KALRN: variants seen among roughly 807,000 people sequenced by gnomAD.
The protein encoded by KALRN is kalirin RhoGEF kinase, also known as kalirin.
In KALRN, 70 loss-of-function variants were observed where a neutral mutation model predicts 353.7. That is an observed-to-expected ratio of 0.20 (90% CI 0.16 to 0.24). The LOEUF (loss-of-function observed/expected upper bound fraction) is 0.24. KALRN is among the 10% of genes least tolerant of loss of function. KALRN has a pLI of 1.00. For missense variants in KALRN, 2,791 were observed against 3,756.7 expected (o/e 0.74, Z 6.72); for synonymous variants, 1,391 against 1,434.8 (o/e 0.97, Z 0.69).
At chr3:124,425,637 C>T (rs1268613442) in intron 15 of KALRN, among the ~76,000 whole-genome samples, 2 of 152,168 alleles carry the variant, frequency 1.3e-5, no homozygotes, top group African/African-American at 2.4e-5. Flanking sequence ...ACGGGAAAAT[C>T]ATTCCTATTT....
rs746348119 is a variant in KALRN at position 124,674,469 on chromosome 3, G to A, written c.7048G>A (p.Val2350Ile). 5.0e-6 allele frequency: 8 copies of A among 1,614,018 alleles called. No individual in the cohort carries two copies. In the East Asian group the frequency reaches 1.8e-4, roughly 36 times the overall value. ...TGTGAGCCAAGGTGAGGTGGTCCAG[G>A]TCCTCGCCGTCAACCAGCAGAACAT... The part of the protein sequence containing the change: ...ICVSQGEVVQ[V>I]LAVNQQNMCL... Residue 2350 changes from valine (V) to isoleucine (I), a missense_variant, in exon 49 of 60, where the codon GTC (valine) becomes ATC (isoleucine). Physicochemically the swap from Val to Ile is conservative, Grantham distance 29 (BLOSUM62 3). This residue lies in a region of KALRN where 1,065 missense variants were observed against 1,156.4 expected (regional missense o/e 0.92). Coordinates refer to ENST00000682506, the MANE Select transcript of KALRN (RefSeq NM_001388419.1).
At chr3:124,615,374 C>G (rs920677617) in intron 34 of KALRN, among the ~76,000 whole-genome samples, 2 of 152,112 alleles carry the variant, frequency 1.3e-5, no homozygotes, top group African/African-American at 4.8e-5. Flanking sequence ...ATTGGAATAA[C>G]TGTCAATATT....
chr3:124,694,398 A>T lies in KALRN; in HGVS notation c.7472A>T (p.Gln2491Leu). The T allele has an allele frequency of 6.2e-7, 1 of 1,614,248 alleles. No homozygotes were observed. Among genetic ancestry groups the T allele is most frequent in the Non-Finnish European group, 8.5e-7 (1 of 1,180,024 alleles). Residue 2491 changes from glutamine (Q) to leucine (L), a missense_variant, in exon 53 of 60, where the codon CAG becomes CTG. By Grantham distance (113) the Gln-to-Leu change is moderately radical. Coordinates refer to ENST00000682506, the MANE Select transcript of KALRN (RefSeq NM_001388419.1). ...TCLLGDTVIL[Q>L]CKVCGRPKPT... ...TTGCTTGGGGACACAGTGATACTGCAGTGCAAAGTCTGTGGGCGGCCAAAG... is the reference window on the plus strand; with the variant it reads ...TTGCTTGGGGACACAGTGATACTGCTGTGCAAAGTCTGTGGGCGGCCAAAG...
In KALRN at chr3:124,699,935, G is replaced by A. The variant is rs374215079; in HGVS notation, c.7898G>A (p.Ser2633Asn). 6 of 1,614,082 alleles carry A rather than the reference G, an allele frequency of 3.7e-6. No homozygotes were observed. The highest frequency in any genetic ancestry group is 1.7e-5 in the Admixed American group (1 of 60,008). The change falls in exon 56 of 60, where the codon AGT (serine) becomes AAT (asparagine). Residue 2633 changes from serine (S) to asparagine (N), a missense_variant. Physicochemically the swap from Ser to Asn is conservative, Grantham distance 46 (BLOSUM62 1). Around this residue, in one of 11 missense-constraint regions of KALRN, gnomAD observed 1,065 missense variants for 1,156.4 expected, o/e 0.92. Coordinates refer to ENST00000682506, the MANE Select transcript of KALRN (RefSeq NM_001388419.1). ...ACTTACCTCGTCATCGAAGACCTTA[G>A]TCCCGGGTGTCCTTATCAGTTCAGA... ...LDTYLVIEDL[S>N]PGCPYQFRVS...
At chr3:124,109,152 ATGT>A (rs1167594222) in intron 1 of KALRN, among the ~76,000 whole-genome samples, 8 of 152,064 alleles carry the variant, frequency 5.3e-5, no homozygotes, top group Non-Finnish European at 7.4e-5. Flanking sequence ...AATCTATAAA[ATGT>A]TGTAGTTCGT....
Position 124,719,571 on chromosome 3 carries a change from AGT to A in KALRN, c.*102_*103del. The A allele has an allele frequency of 8.6e-7, 1 of 1,159,734 alleles. No homozygotes were observed. The highest frequency in any genetic ancestry group is 1.2e-6 in the Non-Finnish European group (1 of 824,736). The allele number at this position is 1,159,734 out of a possible 1,614,324, so 71.8% of individuals were successfully genotyped here. On this transcript the variant is annotated 3_prime_UTR_variant, in exon 60 of 60. Coordinates refer to ENST00000682506, the MANE Select transcript of KALRN (RefSeq NM_001388419.1). The surrounding 1 kb of genome is among the most constrained non-coding windows in gnomAD (Gnocchi z 5.3). Reference sequence around the variant, plus strand: ...TTCTGTTCATCATTTCACTCCGTGCAGTTCTCTGAATTGAGAGATGTACCTCT... The same window carrying A: ...TTCTGTTCATCATTTCACTCCGTGCATCTCTGAATTGAGAGATGTACCTCT...
intron 17 of KALRN, among the ~76,000 whole-genome samples, chr3:124,435,748 A>C (rs1435864093): frequency 6.6e-6 from 1 of 152,242 alleles, no homozygotes; most frequent in East Asian, 1.9e-4. Flanking sequence ...CTGCAGACTA[A>C]GATGATAGAG....
At chr3:124,118,649 A>G (rs1341178821) in intron 1 of KALRN, among the ~76,000 whole-genome samples, 1 of 152,218 alleles carries the variant, frequency 6.6e-6, no homozygotes, top group Non-Finnish European at 1.5e-5. Context: ...TGTAAATGCC[A>G]GGCAGTGAGG....
At chr3:124,477,604 G>A (rs2061551761) in intron 27 of KALRN, among the ~76,000 whole-genome samples, 1 of 152,162 alleles carries the variant, frequency 6.6e-6, no homozygotes, top group Non-Finnish European at 1.5e-5. Flanking sequence ...CATGTTTAGA[G>A]GAGGGCCACT....
rs761896148 is a variant in KALRN at position 124,671,640 on chromosome 3, C to T, written c.6704-20C>T. The T allele has an allele frequency of 1.3e-6, 2 of 1,568,278 alleles. No individual in the cohort carries two copies. Among genetic ancestry groups the T allele is most frequent in the South Asian group, 1.1e-5 (1 of 89,956 alleles). On this transcript the variant is annotated intron_variant, in intron 47 of 59. Coordinates refer to ENST00000682506, the MANE Select transcript of KALRN (RefSeq NM_001388419.1). Reference sequence around the variant, plus strand: ...TGGGATTCCCAAAGCTTAGAGTAACCACCTGCTCTTATCCCACAGCACTGC... The same window carrying T: ...TGGGATTCCCAAAGCTTAGAGTAACTACCTGCTCTTATCCCACAGCACTGC...
chr3:124,494,200 G>A (rs1245752774), intron 32 of KALRN, among the ~76,000 whole-genome samples: 1 of 152,144 alleles, frequency 6.6e-6, no homozygotes, highest in African/African-American at 2.4e-5. Flanking sequence ...CTTTTCTCTT[G>A]TCCTACAATG....
At chr3:124,661,434 G>A (rs1020068993) in intron 44 of KALRN, among the ~76,000 whole-genome samples, 1 of 152,222 alleles carries the variant, frequency 6.6e-6, no homozygotes, top group East Asian at 1.9e-4. Context: ...ATTATTTTAA[G>A]CCAGGGAGGT....
At chr3:124,669,455 A>G (rs901783007) in intron 47 of KALRN, among the ~76,000 whole-genome samples, 2 of 152,260 alleles carry the variant, frequency 1.3e-5, no homozygotes, top group African/African-American at 4.8e-5. Flanking sequence ...AGCTTATTTA[A>G]GAAGGCATTC....
chr3:124,146,874 C>CAAAAAAA (rs34633708), intron 1 of KALRN, among the ~76,000 whole-genome samples: 950 of 49,918 alleles, frequency 0.019, 166 homozygotes, highest in African/African-American at 0.056. Context: ...GACTCTGTCT[C>CAAAAAAA]AAAAAAAAAA....
intron 2 of KALRN, 48 bp downstream of exon 2, chr3:124,228,112 G>A (rs1348187871): frequency 7.0e-7 from 1 of 1,429,586 alleles, no homozygotes; most frequent in Non-Finnish European, 9.9e-7. Context: ...GAGAAGTTGT[G>A]TGTGTGCACA....
rs181877938 is a variant in KALRN, at chr3:124,421,446, T to G, written c.2543-1366T>G. On this transcript the variant is annotated intron_variant, in intron 14 of 59. Coordinates refer to ENST00000682506, the MANE Select transcript of KALRN (RefSeq NM_001388419.1). The stretch of plus-strand genomic sequence containing the variant: ...TGTATCATGTACATACAGTAATATG[T>G]GTATATGAGAGATATTTTACATGCA... 5.3e-5 allele frequency among the ~76,000 whole-genome samples: 8 copies of G among 152,340 alleles called. No individual in the cohort carries two copies. In the East Asian group the frequency reaches 1.5e-3, roughly 29 times the overall value.
chr3:124,548,651 C>A (rs189639237), intron 33 of KALRN, among the ~76,000 whole-genome samples: 7 of 152,218 alleles, frequency 4.6e-5, no homozygotes, highest in African/African-American at 1.4e-4. Context: ...GCATTATAAT[C>A]TTTTTGTTTT....
intron 1 of KALRN, among the ~76,000 whole-genome samples, chr3:124,215,593 C>T (rs1027792931): frequency 2.6e-5 from 4 of 152,216 alleles, no homozygotes; most frequent in African/African-American, 9.7e-5. Context: ...ATCATTACAA[C>T]AGCCTATGAA....
At chr3:124,646,639 C>G (rs2082777906) in intron 37 of KALRN, among the ~76,000 whole-genome samples, 1 of 151,604 alleles carries the variant, frequency 6.6e-6, no homozygotes, top group South Asian at 2.1e-4. Context: ...TATCTGCCCC[C>G]CTCGGCCTCC....
Sources: allele counts gnomAD v4.1 joint callset (sites outside exome capture counted in the v4.1 genomes callset), GRCh38; gene constraint gnomAD v4.1.1; regional missense constraint gnomAD v4.1.1; non-coding constraint Gnocchi (gnomAD v3.1); transcripts MANE v1.5; gene names NCBI Gene and HGNC (gene_info 2026-07-23, HGNC 2026-07-21).